Variants in TMEM196 observed in about 807,000 individuals in gnomAD.
TMEM196 encodes the protein transmembrane protein 196.
In TMEM196, 17 loss-of-function variants were observed where a neutral mutation model predicts 20.0. That is an observed-to-expected ratio of 0.85 (90% CI 0.58 to 1.27). The LOEUF is 1.27. Ranked by LOEUF, TMEM196 falls within the 50% of genes most tolerant of loss-of-function variation. The pLI is 0.00. For synonymous variants in TMEM196, 113 were observed against 88.9 expected, an observed-to-expected ratio of 1.27 and a Z score of -1.52; for missense variants, 267 against 223.0, an observed-to-expected ratio of 1.20 and a Z score of -1.26.
At chr7:19,737,559 T>C (rs968675558) in intron 1 of TMEM196, among the ~76,000 whole-genome samples, 3 of 151,938 alleles carry the variant, frequency 2.0e-5, no homozygotes, top group African/African-American at 7.2e-5. Context: ...ATTCATACAA[T>C]GCAGTGCCAT....
chr7:19,757,337 CTTTTTTTTT>C (rs59859025), intron 1 of TMEM196, among the ~76,000 whole-genome samples: 4 of 70,874 alleles, frequency 5.6e-5, no homozygotes, highest in African/African-American at 1.8e-4. Flanking sequence ...CCACACCCAG[CTTTTTTTTT>C]TTTTTTTTTT....
chr7:19,761,897 C>G (rs941856449), intron 1 of TMEM196, among the ~76,000 whole-genome samples: 2 of 152,176 alleles, frequency 1.3e-5, no homozygotes, highest in Non-Finnish European at 2.9e-5. Context: ...ATTCTCAGAA[C>G]GCAATTTCTT....
intron 1 of TMEM196, among the ~76,000 whole-genome samples, chr7:19,746,356 T>C (rs558468547): frequency 6.6e-6 from 1 of 152,328 alleles, no homozygotes; most frequent in South Asian, 2.1e-4. Flanking sequence ...GAAGTTGAAG[T>C]AGAATCCTAT....
chr7:19,751,038 T>A (rs1026712451), intron 1 of TMEM196, among the ~76,000 whole-genome samples: 1 of 152,216 alleles, frequency 6.6e-6, no homozygotes, highest in Non-Finnish European at 1.5e-5. Context: ...AAGGATGTCA[T>A]GATTATTTTT....
chr7:19,733,601 A>G (rs1784287993), intron 1 of TMEM196, among the ~76,000 whole-genome samples: 1 of 151,992 alleles, frequency 6.6e-6, no homozygotes, highest in Non-Finnish European at 1.5e-5. Context: ...TCTCATTTCC[A>G]GGGCCTATTC....
intron 1 of TMEM196, among the ~76,000 whole-genome samples, chr7:19,766,017 G>C (rs369902485): frequency 2.0e-5 from 3 of 152,132 alleles, no homozygotes; most frequent in African/African-American, 7.2e-5. Context: ...GATGCTCACT[G>C]ATCTCTTACT....
chr7:19,731,968 T>A (rs937267097), intron 1 of TMEM196, among the ~76,000 whole-genome samples: 4 of 152,214 alleles, frequency 2.6e-5, no homozygotes, highest in African/African-American at 9.6e-5. Context: ...ACAGGAAGTA[T>A]ATGAAATCAT....
intron 1 of TMEM196, among the ~76,000 whole-genome samples, chr7:19,752,121 A>C (rs1785011390): frequency 6.6e-6 from 1 of 152,286 alleles, no homozygotes; most frequent in African/African-American, 2.4e-5. Flanking sequence ...AAACTAAAGA[A>C]TAACATAAGA....
At chr7:19,729,211 T>C (rs1327922241) in intron 2 of TMEM196, among the ~76,000 whole-genome samples, 171 bp downstream of exon 2, 1 of 151,972 alleles carries the variant, frequency 6.6e-6, no homozygotes, top group African/African-American at 2.4e-5. Flanking sequence ...TCTAATAATT[T>C]TGATGGTTTT....
chr7:19,748,710 G>C (rs760017069), intron 1 of TMEM196, among the ~76,000 whole-genome samples: 3 of 152,164 alleles, frequency 2.0e-5, no homozygotes, highest in Non-Finnish European at 4.4e-5. Flanking sequence ...TGAGTTCATA[G>C]TGATCAAGAT....
Position 19,743,354 on chromosome 7 carries a change from T to A in TMEM196, c.148-13916A>T, listed in dbSNP as rs75627606. On this transcript the variant is annotated intron_variant, in intron 1 of 4. Coordinates refer to ENST00000405844, the MANE Select transcript of TMEM196 (RefSeq NM_001363562.2). Reference sequence around the variant, plus strand: ...TTCTGTCTTTCTCTGTTTGTTTCACTCTCTCTTTTCAGAGATTCTAGAGCA... The same window carrying A: ...TTCTGTCTTTCTCTGTTTGTTTCACACTCTCTTTTCAGAGATTCTAGAGCA... 5.3e-3 allele frequency among the ~76,000 whole-genome samples: 804 copies of A among 152,272 alleles called. 2 individuals carry two copies. Among genetic ancestry groups the A allele is most frequent in the African/African-American group, 0.017 (718 of 41,568 alleles).
Position 19,735,582 on chromosome 7 carries a change from G to T in TMEM196, c.148-6144C>A, listed in dbSNP as rs531963397. Among the ~76,000 whole-genome samples, 4 of 152,158 alleles carry T rather than the reference G, an allele frequency of 2.6e-5. No homozygotes were observed. In the South Asian group the frequency reaches 6.2e-4, roughly 24 times the overall value. On this transcript the variant is annotated intron_variant, in intron 1 of 4. Coordinates refer to ENST00000405844, the MANE Select transcript of TMEM196 (RefSeq NM_001363562.2). The stretch of plus-strand genomic sequence containing the variant: ...GAAAGAGCAACTAAGAGTAAAAAAG[G>T]CAATGGTAGAATTTTCCAGTTTGAA...
chr7:19,766,582 CAT>C (rs752623012), intron 1 of TMEM196, among the ~76,000 whole-genome samples: 14 of 150,858 alleles, frequency 9.3e-5, no homozygotes, highest in Non-Finnish European at 1.6e-4. Flanking sequence ...ATCATATACA[CAT>C]ATATATATAA....
chr7:19,743,863 A>C (rs1181958701), intron 1 of TMEM196, among the ~76,000 whole-genome samples: 1 of 152,184 alleles, frequency 6.6e-6, no homozygotes, highest in Non-Finnish European at 1.5e-5. Flanking sequence ...AAAAGGAAAT[A>C]TTGGAGACTT....
Position 19,747,102 on chromosome 7 carries a change from A to G in TMEM196, c.148-17664T>C, listed in dbSNP as rs374034632. On this transcript the variant is annotated intron_variant, in intron 1 of 4. Transcript: ENST00000405844. ...AACCCCGTCTCTACTAAAAATACAA[A>G]AAATTAGCCGGGCGTAGTGGCGGGC... Among the ~76,000 whole-genome samples, 9 of 151,550 alleles carry G rather than the reference A, an allele frequency of 5.9e-5. 1 individual carries two copies. The East Asian group carries it at 1.7e-3, about 29-fold the overall frequency.
intron 1 of TMEM196, among the ~76,000 whole-genome samples, chr7:19,765,783 T>C (rs1785603840): frequency 6.6e-6 from 1 of 152,184 alleles, no homozygotes; most frequent in Admixed American, 6.5e-5. Flanking sequence ...TTTTCTAATA[T>C]AGATATTTTG....
intron 1 of TMEM196, among the ~76,000 whole-genome samples, chr7:19,745,300 G>A (rs192854112): frequency 2.5e-4 from 38 of 152,062 alleles, no homozygotes; most frequent in African/African-American, 8.2e-4. Flanking sequence ...CAGAACCTGC[G>A]CATAGGGAGG....
intron 1 of TMEM196, among the ~76,000 whole-genome samples, chr7:19,747,252 C>G (rs926077283): frequency 1.7e-5 from 2 of 119,876 alleles, no homozygotes; most frequent in African/African-American, 7.6e-5. Context: ...GAGACTCCGT[C>G]TCAAAAAAAT....
rs1421127417 is a variant in TMEM196 at position 19,773,456 on chromosome 7, C to A, written c.-760G>T. On this transcript the variant is annotated 5_prime_UTR_variant, in exon 1 of 5. Coordinates refer to ENST00000405844, the MANE Select transcript of TMEM196 (RefSeq NM_001363562.2). ...ACCTCATTGGGGTTTAGGAGGTTGA[C>A]GGAGGAGGAAAAAGCCTAATGTATT... is the stretch of plus-strand genomic sequence containing the variant. 5.9e-6 allele frequency: 1 copy of A among 168,600 alleles called. No homozygotes were observed. The highest frequency in any genetic ancestry group is 1.9e-4 in the East Asian group (1 of 5,182). 10.4% of individuals were successfully genotyped at this position (168,600 alleles called of 1,614,324 possible). A position where few individuals can be genotyped will look rare whatever the true frequency, so the allele number is the denominator to read the frequency against.
Sources: gnomAD v4.1 joint callset for allele counts (sites outside exome capture counted in the v4.1 genomes callset) on GRCh38, gnomAD v4.1.1 for gene constraint, MANE v1.5 for transcripts, NCBI Gene and HGNC (gene_info 2026-07-23, HGNC 2026-07-21) for gene names.